The following MED12 variants were observed in gnomAD, a reference collection of about 807,000 sequenced individuals.
MED12 encodes mediator of RNA polymerase II transcription subunit 12.
In MED12, 10 loss-of-function variants were observed where a neutral mutation model predicts 177.7. The ratio of observed to expected loss-of-function variants is 0.06; its 90% CI spans 0.03 to 0.10. The LOEUF is 0.10. MED12 is among the 10% of genes least tolerant of loss of function. MED12 has a pLI of 1.00. For synonymous variants in MED12, 641 were observed against 678.4 expected (o/e 0.94, Z 0.86); for missense variants, 867 against 1,780.8 (o/e 0.49, Z 9.23).
chrX:71,135,335 A>G (rs1225876232), intron 36 of MED12, 82 bp downstream of exon 36: 25 of 1,071,635 alleles, frequency 2.3e-5, no homozygotes, highest in Non-Finnish European at 3.2e-5. Flanking sequence ...TTGTAGCTCC[A>G]ACAGACTCAT....
At chrX:71,133,041 A>G (rs2092322691) in intron 32 of MED12, 82 bp from the exon 33 acceptor site, 1 of 1,036,788 alleles carries the variant, frequency 9.6e-7, no homozygotes, top group Admixed American at 2.3e-5. Flanking sequence ...AAACTTCAGT[A>G]CTTTCTGATA....
At chrX:71,129,012 C>A in intron 24 of MED12, 102 bp from the exon 25 acceptor site, 1 of 664,406 alleles carries the variant, frequency 1.5e-6, no homozygotes, top group Non-Finnish European at 2.5e-6. Context: ...TCTTCTCTCC[C>A]ATGCCCCTGC....
At chrX:71,132,039 A>G (rs748214959) in intron 29 of MED12, 34 bp from the exon 30 acceptor site, 11 of 1,193,232 alleles carry the variant, frequency 9.2e-6, no homozygotes, top group Middle Eastern at 2.3e-4. Context: ...TTAGCTACCT[A>G]TTTTAGCACT....
At chrX:71,124,919 T>G in intron 14 of MED12, 57 bp from the exon 15 acceptor site, 1 of 1,192,633 alleles carries the variant, frequency 8.4e-7, no homozygotes, top group Non-Finnish European at 1.1e-6. Flanking sequence ...GCATGTTTTT[T>G]TGCCCCCTCA....
rs1468253708 is a variant in MED12 at position 71,121,014 on chromosome X, G to T, written c.597G>T (p.Gln199His). The change falls in exon 5 of 45, where the codon CAG (glutamine) becomes CAT (histidine). Residue 199 changes from glutamine (Q) to histidine (H), a missense_variant. Coordinates refer to ENST00000374080, the MANE Select transcript of MED12 (RefSeq NM_005120.3). ...CCAAGTACTTATGGGAGCAGTTACA[G>T]AAGATGGCTGAATACTACCGGCCAG... ...IITKYLWEQL[Q>H]KMAEYYRPGP... 8.3e-7 allele frequency: 1 copy of T among 1,210,035 alleles called. No homozygotes were observed. Among genetic ancestry groups the T allele is most frequent in the African/African-American group, 1.7e-5 (1 of 57,147 alleles).
Position 71,127,349 on chromosome X carries a change from G to C in MED12, c.2863G>C (p.Val955Leu). ...TTCTTCATGCAGGCTGTGTGGCGTC[G>C]TGAAGCATGGGATGAACCGGTCCGA... The part of the protein sequence containing the change: ...AQVFEGLCGV[V>L]KHGMNRSDGS... The change falls in exon 21 of 45, where the codon GTG becomes CTG. Residue 955 changes from valine to leucine, a missense_variant. Val to Leu is a conservative substitution (Grantham distance 32). Around this residue, in one of 14 missense-constraint regions of MED12, gnomAD observed 70 missense variants for 143.6 expected, o/e 0.49. Coordinates refer to ENST00000374080, the MANE Select transcript of MED12 (RefSeq NM_005120.3). The C allele has an allele frequency of 8.3e-7, 1 of 1,211,541 alleles. No individual in the cohort carries two copies. Among genetic ancestry groups the C allele is most frequent in the Non-Finnish European group, 1.1e-6 (1 of 895,346 alleles).
At chrX:71,140,500 A>G (rs936446155) in intron 41 of MED12, 135 bp from the exon 42 acceptor site, 16 of 1,070,997 alleles carry the variant, frequency 1.5e-5, no homozygotes, top group Non-Finnish European at 1.9e-5. Flanking sequence ...CCCAGACTGG[A>G]AGTCTGGTTA....
chrX:71,127,974 C>T lies in MED12; in HGVS notation c.3063C>T (p.Phe1021=), dbSNP rs797045698. Residue 1021 remains phenylalanine, a synonymous_variant, in exon 22 of 45, where the codon TTC becomes TTT. Coordinates refer to ENST00000374080, the MANE Select transcript of MED12 (RefSeq NM_005120.3). ...CAAATATGCGCTGGGCACCTGAGTT[C>T]ATGATCGACACTCTAGAGAACCCTG... The part of the protein sequence containing the change: ...SESNMRWAPE[F]MIDTLENPAA... The T allele has an allele frequency of 8.3e-7, 1 of 1,209,335 alleles. No homozygotes were observed. The highest frequency in any genetic ancestry group is 1.8e-5 in the African/African-American group (1 of 57,063).
At chrX:71,133,635 G>A (rs2092324433) in intron 33 of MED12, among the ~76,000 whole-genome samples, 1 of 110,605 alleles carries the variant, frequency 9.0e-6, no homozygotes, top group Non-Finnish European at 1.9e-5. Flanking sequence ...TGCCCAGCCT[G>A]AGTCTTGAAG....
At chrX:71,127,200 G>C in intron 20 of MED12, 68 bp downstream of exon 20, 2 of 1,153,799 alleles carry the variant, frequency 1.7e-6, no homozygotes, top group Non-Finnish European at 2.3e-6. Context: ...CCTGGGAAGA[G>C]CATGCACTTC....
At position 71,129,788 on chromosome X, in the gene MED12, A is replaced by G. The variant is rs752008407; in HGVS notation, c.3800A>G (p.Asn1267Ser). 2 of 1,211,293 alleles carry G rather than the reference A, an allele frequency of 1.7e-6. No homozygotes were observed. Among genetic ancestry groups the G allele is most frequent in the Admixed American group, 2.2e-5 (1 of 46,060 alleles). The change falls in exon 27 of 45, where the codon AAC becomes AGC. Residue 1267 changes from asparagine to serine, a missense_variant. Asn to Ser is a conservative substitution (Grantham distance 46, BLOSUM62 1). Coordinates refer to ENST00000374080, the MANE Select transcript of MED12 (RefSeq NM_005120.3). ...GGTGGTCGGAGGCAGGGTGGCCGCA[A>G]CATCTCTGTGGAGACAGCCAGTCTG... ...GSGGRRQGGRNISVETASLDV... is the reference protein window; with the variant it reads ...GSGGRRQGGRSISVETASLDV...
rs763374211 is a variant in MED12, at chrX:71,141,900, T to G, written c.6426T>G (p.Leu2142=). Residue 2142 remains leucine (L), a synonymous_variant, in exon 44 of 45, where the codon CTT becomes CTG. Transcript: ENST00000374080. ...QSQPQFQRQG[L]QQTQQQQQTA... is the part of the protein sequence containing the mutation. ...CCACCCAGTTCCAGCGCCAGGGGCT[T>G]CAGCAGACCCAGCAGCAGCAACAGA... 2 of 1,208,799 alleles carry G rather than the reference T, an allele frequency of 1.7e-6. No individual in the cohort carries two copies. Among genetic ancestry groups the G allele is most frequent in the African/African-American group, 3.5e-5 (2 of 56,922 alleles).
chrX:71,133,395 G>A (rs2092323821), intron 33 of MED12, among the ~76,000 whole-genome samples, 183 bp downstream of exon 33: 1 of 107,405 alleles, frequency 9.3e-6, no homozygotes, highest in African/African-American at 3.4e-5. Context: ...GTGCAGTGGC[G>A]CCATCTCAGC....
rs1569482439 is a variant in MED12 at position 71,137,825 on chromosome X, A to T, written c.5926A>T (p.Thr1976Ser). 1 of 1,211,369 alleles carries T rather than the reference A, an allele frequency of 8.3e-7. No individual in the cohort carries two copies. Residue 1976 changes from threonine (T) to serine (S), a missense_variant, in exon 41 of 45, where the codon ACC becomes TCC. Physicochemically the swap from Thr to Ser is moderately conservative, Grantham distance 58. Transcript: ENST00000374080. ...CTACTCCAGCCAGCCTTACCAGAGCACCCACCCTTCTACCAATCCTACTCT... is the reference window on the plus strand; with the variant it reads ...CTACTCCAGCCAGCCTTACCAGAGCTCCCACCCTTCTACCAATCCTACTCT... Reference protein sequence around the residue: ...PSYSSQPYQSTHPSTNPTLVD... With the variant: ...PSYSSQPYQSSHPSTNPTLVD...
Position 71,123,577 on chromosome X carries a change from G to A in MED12, c.1618-17G>A. ...CAGGTAAAAGTCAGTTCTACAATTT[G>A]TTCTGTCATCTTGCAGCGTTGTGGA... On this transcript the variant is annotated splice_polypyrimidine_tract_variant and intron_variant, in intron 11 of 44. Transcript: ENST00000374080. 8.3e-7 allele frequency: 1 copy of A among 1,211,230 alleles called. No homozygotes were observed. The highest frequency in any genetic ancestry group is 1.1e-6 in the Non-Finnish European group (1 of 895,173).
chrX:71,130,040 G>T lies in MED12; in HGVS notation c.3873G>T (p.Trp1291Cys), dbSNP rs2092313037. Residue 1291 changes from tryptophan to cysteine, a missense_variant, in exon 28 of 45, where the codon TGG becomes TGT. Coordinates refer to ENST00000374080, the MANE Select transcript of MED12 (RefSeq NM_005120.3). ...YVLRSICQQE[W>C]VGERCLKSLC... ...CTGATTGTCAGCTTCCTCAGGAATG[G>T]GTAGGAGAACGTTGCCTTAAGTCTC... is the stretch of plus-strand genomic sequence containing the variant. 8.3e-7 allele frequency: 1 copy of T among 1,206,747 alleles called. No homozygotes were observed. Among genetic ancestry groups the T allele is most frequent in the Admixed American group, 2.2e-5 (1 of 45,445 alleles).
intron 1 of MED12, 84 bp downstream of exon 1, chrX:71,118,937 C>T: frequency 3.0e-6 from 2 of 664,392 alleles, no homozygotes; most frequent in Admixed American, 3.5e-5. Context: ...GAATGGGGGG[C>T]GGGGCGGTTC....
intron 24 of MED12, 105 bp downstream of exon 24, chrX:71,128,823 C>T: frequency 1.0e-6 from 1 of 990,184 alleles, no homozygotes; most frequent in Non-Finnish European, 1.4e-6. Context: ...TGCTGCGGCT[C>T]CCTGGCCTTC....
intron 43 of MED12, 71 bp downstream of exon 43, chrX:71,141,441 T>C: frequency 1.8e-6 from 2 of 1,130,594 alleles, no homozygotes; most frequent in African/African-American, 1.8e-5. Flanking sequence ...GTGAACTGGG[T>C]TGGGGACAGT....
Sources: gnomAD v4.1 joint callset for allele counts (sites outside exome capture counted in the v4.1 genomes callset) on GRCh38, gnomAD v4.1.1 for gene constraint, gnomAD v4.1.1 regional missense constraint, MANE v1.5 for transcripts, NCBI Gene and HGNC (gene_info 2026-07-23, HGNC 2026-07-21) for gene names.